ADRA1A: variants seen among roughly 807,000 people sequenced by gnomAD.
The protein encoded by ADRA1A is alpha-1A adrenergic receptor.
ADRA1A carries 31 observed loss-of-function variants against 29.6 expected under a neutral mutation model. The observed-to-expected ratio is 1.05, with a 90% CI of 0.79 to 1.41. ADRA1A has a LOEUF of 1.41. ADRA1A is among the 40% of genes most tolerant of loss of function. ADRA1A has a pLI of 0.00. For missense variants in ADRA1A, 619 were observed against 601.1 expected, an observed-to-expected ratio of 1.03 and a Z score of -0.31; for synonymous variants, 311 against 254.3, an observed-to-expected ratio of 1.22 and a Z score of -2.12.
intron 2 of ADRA1A, chr8:26,779,338 C>G (rs1041635161): frequency 2.0e-5 from 14 of 702,794 alleles, no homozygotes; most frequent in Non-Finnish European, 3.4e-5. Flanking sequence ...TTTTCCTTCT[C>G]CATCACCTCC....
At position 26,864,299 on chromosome 8, in the gene ADRA1A, G is replaced by T; in HGVS notation, c.671C>A (p.Thr224Asn). 6.2e-7 allele frequency: 1 copy of T among 1,614,114 alleles called. No individual in the cohort carries two copies. Among genetic ancestry groups the T allele is most frequent in the East Asian group, 2.2e-5 (1 of 44,864 alleles). ...ESRGLKSGLK[T>N]DKSDSEQVTL... ...CACTTGCTCCGAGTCCGACTTGTCGGTCTTGAGGCCAGACTTGAGGCCCCG... is the reference window on the plus strand; with the variant it reads ...CACTTGCTCCGAGTCCGACTTGTCGTTCTTGAGGCCAGACTTGAGGCCCCG... Residue 224 changes from threonine (T) to asparagine (N), a missense_variant, in exon 2 of 3, where the codon ACC (threonine) becomes AAC (asparagine). Physicochemically the swap from Thr to Asn is moderately conservative, Grantham distance 65 (BLOSUM62 0). Transcript: ENST00000380573. This position sits in a 1 kb window ranked among gnomAD's most constrained non-coding sequence, Gnocchi z 8.1.
rs1354556528 is a variant in ADRA1A at position 26,860,011 on chromosome 8, G to A, written c.883+4076C>T. ...TCGAACTCCTGACCTCAAGTGATCC[G>A]CCTGCTCAGCCTCCCAAAGTGCTGG... On this transcript the variant is annotated intron_variant, in intron 2 of 2. Coordinates refer to ENST00000380573, the MANE Select transcript of ADRA1A (RefSeq NM_000680.4). This position sits in a 1 kb window ranked among gnomAD's most constrained non-coding sequence, Gnocchi z 4.7. Among the ~76,000 whole-genome samples, 3 of 151,976 alleles carry A rather than the reference G, an allele frequency of 2.0e-5. No individual in the cohort carries two copies. Among genetic ancestry groups the A allele is most frequent in the South Asian group, 2.1e-4 (1 of 4,798 alleles).
chr8:26,855,041 A>T lies in ADRA1A; in HGVS notation c.883+9046T>A, dbSNP rs978835258. ...CATTGAGCTCAGACTTCCAGCCTCG[A>T]GGATTGTGAGAAATAAATTCCTGTT... is the stretch of plus-strand genomic sequence containing the variant. On this transcript the variant is annotated intron_variant, in intron 2 of 2. Transcript: ENST00000380573. Among the ~76,000 whole-genome samples the T allele has an allele frequency of 3.9e-5, 6 of 152,344 alleles. 1 individual carries two copies. Among genetic ancestry groups the T allele is most frequent in the Admixed American group, 6.5e-5 (1 of 15,306 alleles).
rs773493287 is a variant in ADRA1A at position 26,841,657 on chromosome 8, C to T, written c.883+22430G>A. On this transcript the variant is annotated intron_variant, in intron 2 of 2. Coordinates refer to ENST00000380573, the MANE Select transcript of ADRA1A (RefSeq NM_000680.4). The surrounding 1 kb of genome is among the most constrained non-coding windows in gnomAD (Gnocchi z 4.4). ...TCCATGACAAGCCTCCTGTCCCTAA[C>T]ATTCAGCTGAAACTGTTCCTAGATC... is the stretch of plus-strand genomic sequence containing the variant. Among the ~76,000 whole-genome samples the T allele has an allele frequency of 5.8e-4, 89 of 152,286 alleles. No homozygotes were observed. Among genetic ancestry groups the T allele is most frequent in the Middle Eastern group, 3.4e-3 (1 of 294 alleles).
intron 2 of ADRA1A, among the ~76,000 whole-genome samples, chr8:26,812,385 T>C (rs2130545820): frequency 6.6e-6 from 1 of 152,312 alleles, no homozygotes; most frequent in South Asian, 2.1e-4. Context: ...ATGGTTACAC[T>C]ACTCTCCTGA....
intron 2 of ADRA1A, among the ~76,000 whole-genome samples, chr8:26,814,886 A>C (rs1809654698): frequency 6.6e-6 from 1 of 152,202 alleles, no homozygotes; most frequent in South Asian, 2.1e-4. Context: ...TAAAATTAAA[A>C]TATGTCTCTC....
intron 2 of ADRA1A, among the ~76,000 whole-genome samples, chr8:26,835,041 C>T (rs1413246493): frequency 1.3e-5 from 2 of 152,020 alleles, no homozygotes; most frequent in African/African-American, 4.8e-5. Flanking sequence ...AAATACAAGC[C>T]CCTATTTTTA....
chr8:26,847,010 A>G (rs1812252902), intron 2 of ADRA1A, among the ~76,000 whole-genome samples: 1 of 152,132 alleles, frequency 6.6e-6, no homozygotes, highest in Admixed American at 6.5e-5. Context: ...ATAGCTGGGA[A>G]TTGAACACTG....
chr8:26,792,875 A>G (rs1807932004), intron 2 of ADRA1A, among the ~76,000 whole-genome samples: 1 of 151,198 alleles, frequency 6.6e-6, no homozygotes, highest in African/African-American at 2.4e-5. Flanking sequence ...ATGTTCAAAT[A>G]TGTGAATTAC....
chr8:26,801,638 T>G (rs1020899388), intron 2 of ADRA1A, among the ~76,000 whole-genome samples: 2 of 151,744 alleles, frequency 1.3e-5, no homozygotes, highest in African/African-American at 4.9e-5. Context: ...AGTGGAGATA[T>G]TCTATGTTCA....
At chr8:26,803,047 G>C (rs1445614004) in intron 2 of ADRA1A, among the ~76,000 whole-genome samples, 1 of 152,128 alleles carries the variant, frequency 6.6e-6, no homozygotes, top group Admixed American at 6.6e-5. Flanking sequence ...CATGGAGACA[G>C]AGAGTAGAAT....
intron 2 of ADRA1A, among the ~76,000 whole-genome samples, chr8:26,783,386 A>C (rs1807138067): frequency 6.6e-6 from 1 of 152,166 alleles, no homozygotes; most frequent in African/African-American, 2.4e-5. Context: ...CAGCTGAGCG[A>C]TGTGGCATCT....
At chr8:26,754,425 C>A (rs1270705499), downstream of ADRA1A, among the ~76,000 whole-genome samples, 1 of 151,778 alleles carries the variant, frequency 6.6e-6, no homozygotes, top group Non-Finnish European at 1.5e-5. Flanking sequence ...AAATACCAAA[C>A]CTGGAGAAGG....
Position 26,864,378 on chromosome 8 carries a change from C to T in ADRA1A, c.592G>A (p.Ala198Thr). 1 of 1,613,912 alleles carries T rather than the reference C, an allele frequency of 6.2e-7. No homozygotes were observed. The highest frequency in any genetic ancestry group is 8.5e-7 in the Non-Finnish European group (1 of 1,180,034). The change falls in exon 2 of 3, where the codon GCC (alanine) becomes ACC (threonine). Residue 198 changes from alanine (A) to threonine (T), a missense_variant. Ala to Thr is a moderately conservative substitution (Grantham distance 58, BLOSUM62 0). Coordinates refer to ENST00000380573, the MANE Select transcript of ADRA1A (RefSeq NM_000680.4). The surrounding 1 kb of genome is among the most constrained non-coding windows in gnomAD (Gnocchi z 8.1). ...SALGSFYLPL[A>T]IILVMYCRVY... Reference sequence around the variant, plus strand: ...CGGCAGTACATGACCAGGATGATGGCCAGAGGCAGGTAGAAGGAGCCCAGC... The same window carrying T: ...CGGCAGTACATGACCAGGATGATGGTCAGAGGCAGGTAGAAGGAGCCCAGC...
At chr8:26,765,232 AT>A (rs1805711568), downstream of ADRA1A, among the ~76,000 whole-genome samples, 1 of 152,172 alleles carries the variant, frequency 6.6e-6, no homozygotes, top group Non-Finnish European at 1.5e-5. Flanking sequence ...AGAAATGACA[AT>A]TTCCTGAATA....
At chr8:26,842,987 C>T (rs1397598786) in intron 2 of ADRA1A, among the ~76,000 whole-genome samples, 3 of 151,902 alleles carry the variant, frequency 2.0e-5, no homozygotes, top group South Asian at 2.1e-4. Flanking sequence ...TTTTCAAATC[C>T]GCTATTGGCT....
intron 2 of ADRA1A, among the ~76,000 whole-genome samples, chr8:26,811,039 A>T (rs1229893305): frequency 6.6e-6 from 1 of 152,242 alleles, no homozygotes; most frequent in Non-Finnish European, 1.5e-5. Flanking sequence ...TTGAATCCAT[A>T]CAAGACATGG....
intron 2 of ADRA1A, among the ~76,000 whole-genome samples, chr8:26,758,318 C>A (rs1805312029): frequency 1.3e-5 from 2 of 152,086 alleles, no homozygotes; most frequent in South Asian, 4.1e-4. Flanking sequence ...AGATAAAGAG[C>A]AAAGGAAAGT....
chr8:26,762,847 T>C (rs1452156957), downstream of ADRA1A, among the ~76,000 whole-genome samples: 1 of 152,192 alleles, frequency 6.6e-6, no homozygotes, highest in Admixed American at 6.5e-5. This position sits in a 1 kb window ranked among gnomAD's most constrained non-coding sequence, Gnocchi z 4.0. Flanking sequence ...CTGCAGGAAC[T>C]GCACCTTATT....
Sources: allele counts gnomAD v4.1 joint callset (sites outside exome capture counted in the v4.1 genomes callset), GRCh38; gene constraint gnomAD v4.1.1; non-coding constraint Gnocchi (gnomAD v3.1); transcripts MANE v1.5; gene names NCBI Gene and HGNC (gene_info 2026-07-23, HGNC 2026-07-21).